CCDC30: variants seen among roughly 807,000 people sequenced by gnomAD.
CCDC30 encodes the protein coiled-coil domain containing 30.
A neutral mutation model predicts 100.2 loss-of-function variants in CCDC30; 70 were observed. That is an observed-to-expected ratio of 0.70 (90% CI 0.58 to 0.85). The LOEUF (loss-of-function observed/expected upper bound fraction) is 0.85, where lower values mean the gene tolerates loss of function less well. CCDC30 is among the 40% of genes least tolerant of loss of function. CCDC30 has a pLI of 0.00. For missense variants in CCDC30, 652 were observed against 771.2 expected (o/e 0.85, Z 1.83); for synonymous variants, 233 against 269.5 (o/e 0.86, Z 1.33).
chr1:42,459,936 C>T, upstream of CCDC30: 2 of 1,578,342 alleles, frequency 1.3e-6, no homozygotes, highest in Non-Finnish European at 1.7e-6. Flanking sequence ...AAGTAAAAAG[C>T]CCTTATAGGA....
chr1:42,545,278 C>A (rs2148534248), intron 6 of CCDC30, 132 bp from the exon 9 acceptor site: 1 of 641,234 alleles, frequency 1.6e-6, no homozygotes. Context: ...TTGGAATCAG[C>A]CTTCAATTAG....
chr1:42,505,982 A>G (rs1644388766), intron 6 of CCDC30, among the ~76,000 whole-genome samples: 1 of 152,228 alleles, frequency 6.6e-6, no homozygotes, highest in Non-Finnish European at 1.5e-5. Flanking sequence ...GAAAAAGAAA[A>G]TGGATTCTTA....
At chr1:42,554,147 G>T (rs1330260035) in intron 6 of CCDC30, among the ~76,000 whole-genome samples, 1 of 148,736 alleles carries the variant, frequency 6.7e-6, no homozygotes, top group Non-Finnish European at 1.5e-5. Flanking sequence ...AATTCTCTTA[G>T]CCATTTCCAT....
At chr1:42,509,004 A>C (rs755632693) in intron 6 of CCDC30, among the ~76,000 whole-genome samples, 2 of 152,174 alleles carry the variant, frequency 1.3e-5, no homozygotes, top group Admixed American at 6.5e-5. Flanking sequence ...CAGCTTTTGA[A>C]CTTTACAAAA....
intron 6 of CCDC30, among the ~76,000 whole-genome samples, chr1:42,514,570 C>T (rs1644526507): frequency 6.6e-6 from 1 of 152,126 alleles, no homozygotes; most frequent in Non-Finnish European, 1.5e-5. Flanking sequence ...AAATCCTTTA[C>T]CAATTTTAAT....
Position 42,566,354 on chromosome 1 carries a change from A to C in CCDC30, c.515A>C (p.His172Pro), listed in dbSNP as rs768686746. 3 of 1,613,888 alleles carry C rather than the reference A, an allele frequency of 1.9e-6. No individual in the cohort carries two copies. The Admixed American group carries it at 5.0e-5, about 27-fold the overall frequency. ...CAGCAAGGGGAAGTACAACAACTTC[A>C]CCAGAATTTGCACCGGCTCCAGATT... The change falls in exon 7 of 17, where the codon CAC becomes CCC. Residue 172 changes from histidine to proline, a missense_variant. Physicochemically the swap from His to Pro is moderately conservative, Grantham distance 77. Transcript: ENST00000668663.
chr1:42,600,593 A>C (rs183948392), intron 10 of CCDC30, among the ~76,000 whole-genome samples: 1 of 152,076 alleles, frequency 6.6e-6, no homozygotes, highest in Non-Finnish European at 1.5e-5. Flanking sequence ...AAATCATGCA[A>C]TGTATGCTCT....
intron 6 of CCDC30, among the ~76,000 whole-genome samples, chr1:42,518,072 A>G (rs191319199): frequency 2.2e-4 from 33 of 152,304 alleles, no homozygotes; most frequent in South Asian, 1.0e-3. Context: ...TAGTATTTAC[A>G]TTGTAACAAT....
intron 11 of CCDC30, among the ~76,000 whole-genome samples, chr1:42,617,188 C>T (rs879399668): frequency 1.3e-5 from 2 of 152,098 alleles, no homozygotes; most frequent in African/African-American, 4.8e-5. Flanking sequence ...CCTGTAATCC[C>T]AGCACTTTCA....
intron 6 of CCDC30, among the ~76,000 whole-genome samples, chr1:42,521,896 A>G (rs905758434): frequency 1.8e-4 from 27 of 151,938 alleles, no homozygotes; most frequent in Non-Finnish European, 1.2e-4. Context: ...TTTGGTTACT[A>G]TTTGCATGAA....
chr1:42,482,630 T>C, intron 2 of CCDC30, 33 bp from the exon 3 acceptor site: 1 of 1,211,198 alleles, frequency 8.3e-7, no homozygotes, highest in Non-Finnish European at 1.0e-6. Context: ...ACATTTGCTC[T>C]TTGTTTTATT....
intron 15 of CCDC30, among the ~76,000 whole-genome samples, 185 bp downstream of exon 19, chr1:42,646,502 A>G (rs1647894851): frequency 6.6e-6 from 1 of 152,250 alleles, no homozygotes; most frequent in Non-Finnish European, 1.5e-5. Flanking sequence ...ACCCACAGGT[A>G]GTAGTATCAC....
intron 3 of CCDC30, among the ~76,000 whole-genome samples, chr1:42,489,606 G>C (rs1244838787): frequency 6.6e-6 from 1 of 152,132 alleles, no homozygotes; most frequent in Non-Finnish European, 1.5e-5. Context: ...TGGTGATGAG[G>C]AGACCGTAGG....
intron 11 of CCDC30, among the ~76,000 whole-genome samples, chr1:42,615,052 T>A (rs1289060756): frequency 6.6e-6 from 1 of 152,016 alleles, no homozygotes; most frequent in Non-Finnish European, 1.5e-5. Context: ...CGTAGAGTCA[T>A]CAAATGAGGA....
intron 1 of CCDC30, among the ~76,000 whole-genome samples, chr1:42,478,902 C>T (rs898333476): frequency 7.2e-5 from 11 of 151,992 alleles, no homozygotes; most frequent in African/African-American, 2.7e-4. Flanking sequence ...TTGTAAAGAG[C>T]CTGAGCATAA....
At chr1:42,497,258 A>G (rs1384180541) in intron 5 of CCDC30, 45 bp downstream of exon 5, 99 of 1,102,294 alleles carry the variant, frequency 9.0e-5, no homozygotes, top group Non-Finnish European at 1.1e-4. Flanking sequence ...TGTGTCTACC[A>G]TAACAATCAA....
At chr1:42,516,634 C>T (rs967501646) in intron 6 of CCDC30, among the ~76,000 whole-genome samples, 2 of 150,926 alleles carry the variant, frequency 1.3e-5, no homozygotes, top group South Asian at 2.1e-4. Context: ...TCTTTTTCCA[C>T]GTGCTCTTCT....
At chr1:42,602,514 T>C (rs930468965) in intron 10 of CCDC30, among the ~76,000 whole-genome samples, 1 of 152,194 alleles carries the variant, frequency 6.6e-6, no homozygotes, top group African/African-American at 2.4e-5. Flanking sequence ...ATAAATATTA[T>C]GAACAACTTT....
intron 1 of CCDC30, among the ~76,000 whole-genome samples, chr1:42,474,488 AG>A (rs1411270371): frequency 1.3e-5 from 2 of 152,224 alleles, no homozygotes; most frequent in African/African-American, 4.8e-5. Context: ...AAAGTTTGCC[AG>A]GAAGTGATAA....
Sources: allele counts gnomAD v4.1 joint callset (sites outside exome capture counted in the v4.1 genomes callset), GRCh38; gene constraint gnomAD v4.1.1; transcripts MANE v1.5; gene names NCBI Gene and HGNC (gene_info 2026-07-23, HGNC 2026-07-21).